Variants in CFAP47 observed in about 807,000 individuals in gnomAD.
CFAP47 encodes the protein cilia- and flagella-associated protein 47.
Under a neutral mutation model 148.1 loss-of-function variants are expected in CFAP47, and 29 were observed. That is an observed-to-expected ratio of 0.20 (90% CI 0.15 to 0.27). The LOEUF is 0.27. CFAP47 is among the 10% of genes least tolerant of loss of function. The probability of loss-of-function intolerance (pLI) is 1.00; values close to 1 mark genes in which losing one functional copy is unlikely to be tolerated. For missense variants in CFAP47, 1,872 were observed against 1,697.5 expected (o/e 1.10, Z -1.81); for synonymous variants, 664 against 577.3 (o/e 1.15, Z -2.15).
intron 57 of CFAP47, among the ~76,000 whole-genome samples, chrX:36,332,785 A>G (rs1442998298): frequency 8.9e-6 from 1 of 112,137 alleles, no homozygotes; most frequent in Non-Finnish European, 1.9e-5. Context: ...AAAATGGCAA[A>G]TGATGATACA....
rs765599254 is a variant in CFAP47 at position 36,099,765 on chromosome X, G to A, written c.5013G>A (p.Thr1671=). 2 of 844,872 alleles carry A rather than the reference G, an allele frequency of 2.4e-6. No individual in the cohort carries two copies. Among genetic ancestry groups the A allele is most frequent in the Admixed American group, 4.7e-5 (2 of 42,845 alleles). 69.6% of individuals were successfully genotyped at this position (844,872 alleles called of 1,213,427 possible). A position where few individuals can be genotyped will look rare whatever the true frequency, so the allele number is the denominator to read the frequency against. The change falls in exon 32 of 64, where the codon ACG becomes ACA. Residue 1671 remains threonine, a synonymous_variant. Transcript: ENST00000378653. ...ATTTCTTAAAGTCTTCCACTAATAC[G>A]ATGCCTGTGAGTTCCTGTACACCTA... ...RWIEIMSSTN[T]MPVSSCTPKK...
chrX:36,317,212 A>G (rs782697311), intron 56 of CFAP47, among the ~76,000 whole-genome samples: 182 of 111,753 alleles, frequency 1.6e-3, no homozygotes, highest in African/African-American at 5.8e-3. Context: ...CATTGCAAAT[A>G]GCCAATCAGG....
At chrX:36,277,006 C>T (rs1556002808) in intron 49 of CFAP47, among the ~76,000 whole-genome samples, 1 of 111,804 alleles carries the variant, frequency 8.9e-6, no homozygotes, top group Admixed American at 9.5e-5. Context: ...AGAAAGAATA[C>T]TTCCCAGAGT....
chrX:36,170,323 G>C (rs191615755), intron 39 of CFAP47, among the ~76,000 whole-genome samples: 334 of 110,880 alleles, frequency 3.0e-3, no homozygotes, highest in African/African-American at 0.01. Flanking sequence ...TATACTTTAA[G>C]TTTTAGGGTA....
chrX:36,264,413 G>A (rs1331718175), intron 49 of CFAP47, among the ~76,000 whole-genome samples: 8 of 112,201 alleles, frequency 7.1e-5, no homozygotes, highest in Non-Finnish European at 1.5e-4. Context: ...TGCAAGGTTT[G>A]TAGGAACTCA....
At chrX:35,947,416 C>T (rs1936099006) in intron 3 of CFAP47, among the ~76,000 whole-genome samples, 1 of 107,760 alleles carries the variant, frequency 9.3e-6, no homozygotes, top group African/African-American at 3.4e-5. Flanking sequence ...ACAGCAGTTA[C>T]TCAGGAGAAA....
chrX:36,169,760 A>G (rs1303980946), intron 39 of CFAP47, among the ~76,000 whole-genome samples: 2 of 111,200 alleles, frequency 1.8e-5, no homozygotes, highest in Admixed American at 9.6e-5. Context: ...CTTTTCCCCC[A>G]TATGTTCCTC....
intron 21 of CFAP47, among the ~76,000 whole-genome samples, chrX:36,013,923 A>C (rs776517539): frequency 1.2e-4 from 13 of 112,378 alleles, no homozygotes; most frequent in African/African-American, 4.2e-4. Flanking sequence ...ATAATGAATA[A>C]GTTGTATGAA....
intron 22 of CFAP47, among the ~76,000 whole-genome samples, chrX:36,030,348 A>G (rs1287469276): frequency 1.8e-5 from 2 of 111,681 alleles, no homozygotes; most frequent in Admixed American, 1.9e-4. Context: ...CTTTGTTTTT[A>G]AAGTTATAGT....
chrX:36,230,295 T>C (rs1256421291), intron 46 of CFAP47, among the ~76,000 whole-genome samples: 1 of 106,745 alleles, frequency 9.4e-6, no homozygotes, highest in Non-Finnish European at 1.9e-5. Context: ...TTTTTAATGA[T>C]GCCATTCTAA....
At chrX:36,098,908 C>G in intron 31 of CFAP47, 34 bp downstream of exon 31, 2 of 836,337 alleles carry the variant, frequency 2.4e-6, no homozygotes, top group Non-Finnish European at 3.5e-6. Flanking sequence ...ACAAACCACA[C>G]AGTTATTATT....
chrX:36,069,418 T>G (rs1392887343), intron 27 of CFAP47, among the ~76,000 whole-genome samples: 1 of 110,636 alleles, frequency 9.0e-6, no homozygotes, highest in Non-Finnish European at 1.9e-5. Context: ...TATTGTTATC[T>G]CTTTAAAATA....
At chrX:36,372,735 T>G (rs782373888) in intron 62 of CFAP47, among the ~76,000 whole-genome samples, 1 of 112,295 alleles carries the variant, frequency 8.9e-6, no homozygotes, top group South Asian at 3.7e-4. Flanking sequence ...CAGTTCATCA[T>G]TGACCAAAAT....
At position 36,071,967 on chromosome X, in the gene CFAP47, T is replaced by A; in HGVS notation, c.4461T>A (p.Phe1487Leu). The A allele has an allele frequency of 1.7e-6, 2 of 1,199,819 alleles. No individual in the cohort carries two copies. Among genetic ancestry groups the A allele is most frequent in the Non-Finnish European group, 2.3e-6 (2 of 888,123 alleles). The change falls in exon 28 of 64, where the codon TTT becomes TTA. Residue 1487 changes from phenylalanine (F) to leucine (L), a missense_variant. Physicochemically the swap from Phe to Leu is conservative, Grantham distance 22 (BLOSUM62 0). Coordinates refer to ENST00000378653, the MANE Select transcript of CFAP47 (RefSeq NM_001304548.2). Reference sequence around the variant, plus strand: ...CTGAACCTGCAAAGGGAAACTTATTTATTGGTATGTAGCAAATATATAGTG... The same window carrying A: ...CTGAACCTGCAAAGGGAAACTTATTAATTGGTATGTAGCAAATATATAGTG... Reference protein sequence around the residue: ...NDAEPAKGNLFIGVEVLPENL... With the variant: ...NDAEPAKGNLLIGVEVLPENL...
intron 57 of CFAP47, among the ~76,000 whole-genome samples, chrX:36,339,438 C>T (rs1556015394): frequency 9.0e-6 from 1 of 111,683 alleles, no homozygotes; most frequent in South Asian, 3.7e-4. Context: ...AAAATTAAAA[C>T]CAGCCACTTT....
At chrX:36,135,418 C>A (rs1046113492) in intron 33 of CFAP47, among the ~76,000 whole-genome samples, 3 of 111,669 alleles carry the variant, frequency 2.7e-5, no homozygotes, top group African/African-American at 9.7e-5. Context: ...ATGAATACCT[C>A]ATCTCTGTGA....
intron 62 of CFAP47, among the ~76,000 whole-genome samples, chrX:36,368,762 C>A (rs188544394): frequency 9.0e-6 from 1 of 111,362 alleles, no homozygotes; most frequent in Admixed American, 9.6e-5. Flanking sequence ...CATAATGTTG[C>A]CATGAGAACA....
chrX:36,263,676 C>G (rs1569303008), intron 49 of CFAP47, among the ~76,000 whole-genome samples: 1 of 111,830 alleles, frequency 8.9e-6, no homozygotes, highest in East Asian at 2.8e-4. Context: ...ACTCACCCTT[C>G]AGGGCACTGG....
intron 22 of CFAP47, among the ~76,000 whole-genome samples, chrX:36,018,691 C>T (rs181198087): frequency 8.9e-6 from 1 of 111,942 alleles, no homozygotes; most frequent in East Asian, 2.8e-4. Flanking sequence ...AGGGATAAAT[C>T]CCACTTGGTC....
Sources: gnomAD v4.1 joint callset for allele counts (sites outside exome capture counted in the v4.1 genomes callset) on GRCh38, gnomAD v4.1.1 for gene constraint, MANE v1.5 for transcripts, NCBI Gene and HGNC (gene_info 2026-07-23, HGNC 2026-07-21) for gene names.